ZNF705B: variants seen among roughly 807,000 people sequenced by gnomAD.
ZNF705B encodes the protein zinc finger protein 705B, also known as Putative zinc finger protein 705D-like protein LOC100132396.
ZNF705B carries 1 observed loss-of-function variant against 10.5 expected under a neutral mutation model. The ratio of observed to expected loss-of-function variants is 0.10; its 90% CI spans 0.03 to 0.45. The LOEUF (loss-of-function observed/expected upper bound fraction) is 0.45, where lower values mean the gene tolerates loss of function less well. ZNF705B is among the 20% of genes least tolerant of loss of function. The pLI, the probability that ZNF705B is intolerant of heterozygous loss-of-function variation, is 0.97. For missense variants in ZNF705B, 14 were observed against 84.0 expected (o/e 0.17, Z 3.26); for synonymous variants, 4 against 25.4 (o/e 0.16, Z 2.53).
chr8:7,928,713 AG>A (rs1316874074), intron 1 of ZNF705B, among the ~76,000 whole-genome samples: 1 of 85,444 alleles, frequency 1.2e-5, no homozygotes, highest in East Asian at 3.5e-4. Flanking sequence ...TGACATGGTA[AG>A]AGCCTGCCTA....
At position 7,929,410 on chromosome 8, in the gene ZNF705B, T is replaced by C. The variant is rs1819781199; in HGVS notation, c.-221-877T>C. Among the ~76,000 whole-genome samples, 2 of 121,426 alleles carry C rather than the reference T, an allele frequency of 1.6e-5. 1 individual carries two copies. Among genetic ancestry groups the C allele is most frequent in the Non-Finnish European group, 4.0e-5 (2 of 50,462 alleles). The allele number at this position is 121,426 out of a possible 152,430, so 79.7% of individuals were successfully genotyped here. On this transcript the variant is annotated intron_variant, in intron 1 of 6. Transcript: ENST00000400120. ...AGTTGATAGATGCAGAGACATGAAA[T>C]GAATGAGGATAAATGAATAAGTGGA...
Position 7,927,361 on chromosome 8 carries a change from G to A in ZNF705B, c.-222+964G>A, listed in dbSNP as rs1198928466. ...CTTGTGTGATTTCAGGTATCCAGAA[G>A]TTGACTTAAAAGTTCCTCTTACAGG... On this transcript the variant is annotated intron_variant, in intron 1 of 6. Transcript: ENST00000400120. Among the ~76,000 whole-genome samples the A allele has an allele frequency of 9.9e-5, 12 of 121,138 alleles. 4 individuals carry two copies. Among genetic ancestry groups the A allele is most frequent in the South Asian group, 2.8e-4 (1 of 3,600 alleles). The allele number at this position is 121,138 out of a possible 152,430, so 79.5% of individuals were successfully genotyped here. A position where few individuals can be genotyped will look rare whatever the true frequency, so the allele number is the denominator to read the frequency against.
intron 1 of ZNF705B, among the ~76,000 whole-genome samples, chr8:7,927,429 T>C (rs1166075563): frequency 1.1e-4 from 13 of 121,370 alleles, no homozygotes; most frequent in Admixed American, 9.4e-4. Flanking sequence ...GATGATGAGC[T>C]TTTTTTCATG....
At chr8:7,928,440 G>A (rs1819756396) in intron 1 of ZNF705B, among the ~76,000 whole-genome samples, 1 of 120,826 alleles carries the variant, frequency 8.3e-6, no homozygotes, top group Admixed American at 9.5e-5. Flanking sequence ...GTCTCTGCTA[G>A]GTACTTCTCA....
At chr8:7,935,886 T>C (rs1820000386) in intron 2 of ZNF705B, among the ~76,000 whole-genome samples, 2 of 91,982 alleles carry the variant, frequency 2.2e-5, no homozygotes, top group South Asian at 9.8e-4. Context: ...CCAAGCCCAC[T>C]GGCCTTGTGC....
intron 2 of ZNF705B, among the ~76,000 whole-genome samples, chr8:7,940,981 C>T (rs1236694819): frequency 1.3e-5 from 2 of 148,866 alleles, no homozygotes; most frequent in Admixed American, 6.7e-5. Context: ...AGAATAATGG[C>T]TTCCAGCTCC....
At chr8:7,941,210 T>C (rs1820153869) in intron 2 of ZNF705B, among the ~76,000 whole-genome samples, 1 of 145,600 alleles carries the variant, frequency 6.9e-6, no homozygotes, top group South Asian at 2.3e-4. Context: ...TACCCAGTAA[T>C]GGGATTGCTG....
chr8:7,936,138 G>T (rs1206474519), intron 2 of ZNF705B, among the ~76,000 whole-genome samples: 1 of 109,904 alleles, frequency 9.1e-6, no homozygotes, highest in African/African-American at 2.6e-5. Flanking sequence ...TCTGATTAAA[G>T]TCTTGGCTTA....
intron 2 of ZNF705B, among the ~76,000 whole-genome samples, chr8:7,941,126 T>G (rs1158180860): frequency 6.8e-6 from 1 of 147,650 alleles, no homozygotes; most frequent in Non-Finnish European, 1.5e-5. Context: ...TCTTTGCTGT[T>G]GTGAATAGTG....
At chr8:7,937,688 T>C (rs1254647508) in intron 2 of ZNF705B, among the ~76,000 whole-genome samples, 1 of 113,806 alleles carries the variant, frequency 8.8e-6, no homozygotes, top group Non-Finnish European at 2.1e-5. Flanking sequence ...GATAATAATC[T>C]TATGTCAGTC....
intron 1 of ZNF705B, among the ~76,000 whole-genome samples, chr8:7,927,077 G>A (rs1384402065): frequency 1.7e-5 from 2 of 119,054 alleles, no homozygotes; most frequent in Non-Finnish European, 4.0e-5. Flanking sequence ...CATTCTTACT[G>A]GAGTGACAGA....
intron 1 of ZNF705B, among the ~76,000 whole-genome samples, chr8:7,928,846 G>A (rs1444449870): frequency 5.1e-4 from 54 of 104,870 alleles, no homozygotes; most frequent in African/African-American, 1.4e-3. Flanking sequence ...TCTAAAATGG[G>A]TGGTTTTCCA....
At chr8:7,937,552 G>A (rs1247425516) in intron 2 of ZNF705B, among the ~76,000 whole-genome samples, 2 of 117,406 alleles carry the variant, frequency 1.7e-5, no homozygotes, top group African/African-American at 5.2e-5. Context: ...GATTTTCTGG[G>A]GTTATATATG....
At chr8:7,932,487 G>C in intron 2 of ZNF705B, among the ~76,000 whole-genome samples, 1 of 121,558 alleles carries the variant, frequency 8.2e-6, no homozygotes, top group Middle Eastern at 4.3e-3. Flanking sequence ...CTATGTGATG[G>C]CTTTAATATA....
rs2698877 is a variant in ZNF705B at position 7,927,044 on chromosome 8, C to A, written c.-222+647C>A. On this transcript the variant is annotated intron_variant, in intron 1 of 6. Transcript: ENST00000400120. ...GATACCACTTTCAAGACTCGTGGTA[C>A]GTGATAGGTGTTCAAGAATGTTCAT... Among the ~76,000 whole-genome samples, 59 of 118,798 alleles carry A rather than the reference C, an allele frequency of 5.0e-4. 11 individuals carry two copies. The highest frequency in any genetic ancestry group is 1.4e-3 in the African/African-American group (57 of 39,544). The allele number at this position is 118,798 out of a possible 152,430, so 77.9% of individuals were successfully genotyped here. A position where few individuals can be genotyped will look rare whatever the true frequency, so the allele number is the denominator to read the frequency against.
At chr8:7,931,714 G>C (rs1563492472) in intron 2 of ZNF705B, among the ~76,000 whole-genome samples, 1 of 130,638 alleles carries the variant, frequency 7.7e-6, no homozygotes, top group Non-Finnish European at 1.8e-5. Flanking sequence ...TGGGGGTCAG[G>C]ATTGCTGTCA....
chr8:7,930,196 A>G (rs1244201000), intron 1 of ZNF705B, 91 bp from the exon 2 acceptor site: 1 of 118,750 alleles, frequency 8.4e-6, no homozygotes, highest in East Asian at 2.4e-4. Context: ...TGTCTGCTCA[A>G]TGCTTACCTC....
At chr8:7,932,827 G>GC (rs1360771391) in intron 2 of ZNF705B, among the ~76,000 whole-genome samples, 1 of 106,956 alleles carries the variant, frequency 9.3e-6, no homozygotes, top group Non-Finnish European at 2.3e-5. Context: ...CCAAGGGGAG[G>GC]CCCCCCAGTA....
At chr8:7,932,405 G>A (rs1234764314) in intron 2 of ZNF705B, among the ~76,000 whole-genome samples, 1 of 120,972 alleles carries the variant, frequency 8.3e-6, no homozygotes, top group African/African-American at 2.5e-5. Context: ...TCTTTCTTTG[G>A]GAGGACACAG....
Sources: allele counts gnomAD v4.1 joint callset (sites outside exome capture counted in the v4.1 genomes callset), GRCh38; gene constraint gnomAD v4.1.1; transcripts MANE v1.5; gene names NCBI Gene and HGNC (gene_info 2026-07-23, HGNC 2026-07-21).